PPP2R5C: variants seen among roughly 807,000 people sequenced by gnomAD.
The protein encoded by PPP2R5C is protein phosphatase 2 regulatory subunit B'gamma.
Under a neutral mutation model 68.9 loss-of-function variants are expected in PPP2R5C, and 7 were observed. That is an observed-to-expected ratio of 0.10 (90% CI 0.06 to 0.19). The LOEUF is 0.19. PPP2R5C is among the 10% of genes least tolerant of loss of function. The pLI is 1.00. For synonymous variants in PPP2R5C, 210 were observed against 222.2 expected, an observed-to-expected ratio of 0.95 and a Z score of 0.49; for missense variants, 348 against 641.3, an observed-to-expected ratio of 0.54 and a Z score of 4.94.
At chr14:101,808,053 C>T (rs1007495904), upstream of PPP2R5C, among the ~76,000 whole-genome samples, 2 of 151,036 alleles carry the variant, frequency 1.3e-5, no homozygotes, top group Non-Finnish European at 2.9e-5. Context: ...CTGAACGCCT[C>T]GTTCCTAATT....
rs1281071514 is a variant in PPP2R5C at position 101,839,526 on chromosome 14, A to C, written c.95-17160A>C. On this transcript the variant is annotated intron_variant, in intron 1 of 13. Transcript: ENST00000334743. ...TGAGCTGGTGAGGCTTCACCAGTGC[A>C]CGCCTGGCTGCTTCCCTGCCTGCCC... 3.3e-5 allele frequency: 5 copies of C among 152,398 alleles called. No homozygotes were observed. In the East Asian group the frequency reaches 9.6e-4, roughly 29 times the overall value. 9.4% of individuals were successfully genotyped at this position (152,398 alleles called of 1,614,324 possible). A position where few individuals can be genotyped will look rare whatever the true frequency, so the allele number is the denominator to read the frequency against.
intron 2 of PPP2R5C, among the ~76,000 whole-genome samples, chr14:101,763,437 C>T (rs2036666664): frequency 6.6e-6 from 1 of 151,602 alleles, no homozygotes. Context: ...GGCTGGAGTG[C>T]AGTGGCGCGA....
At chr14:101,786,714 C>T (rs963282686) in intron 3 of PPP2R5C, among the ~76,000 whole-genome samples, 7 of 151,990 alleles carry the variant, frequency 4.6e-5, no homozygotes, top group African/African-American at 1.7e-4. Context: ...TGAATTTCCC[C>T]CCAAATGACA....
chr14:101,863,869 G>C (rs988723590), intron 2 of PPP2R5C, among the ~76,000 whole-genome samples: 3 of 152,156 alleles, frequency 2.0e-5, no homozygotes, highest in African/African-American at 7.2e-5. Flanking sequence ...CTGCACTCCA[G>C]CCTGCGCACC....
chr14:101,763,078 G>T, intron 2 of PPP2R5C, 108 bp downstream of exon 2: 1 of 984,746 alleles, frequency 1.0e-6, no homozygotes, highest in Non-Finnish European at 1.5e-6. Context: ...TTCCCTATGT[G>T]AGGTTTTTTT....
At position 101,906,728 on chromosome 14, in the gene PPP2R5C, C is replaced by A. The variant is rs2046047457; in HGVS notation, c.1151+199C>A. ...GAATTTACCACCTTATACCTTCATT[C>A]CTGCCAGTATAGAGGCACATTGGTT... is the stretch of plus-strand genomic sequence containing the variant. On this transcript the variant is annotated intron_variant, in intron 10 of 13. Coordinates refer to ENST00000334743, the Ensembl canonical transcript of PPP2R5C. This position sits in a 1 kb window ranked among gnomAD's most constrained non-coding sequence, Gnocchi z 4.0. The A allele has an allele frequency of 3.1e-6, 2 of 649,712 alleles. No individual in the cohort carries two copies. 40.2% of individuals were successfully genotyped at this position (649,712 alleles called of 1,614,324 possible). A position where few individuals can be genotyped will look rare whatever the true frequency, so the allele number is the denominator to read the frequency against.
chr14:101,922,254 C>T (rs756942462), intron 13 of PPP2R5C: 7 of 926,348 alleles, frequency 7.6e-6, no homozygotes, highest in South Asian at 5.0e-5. Flanking sequence ...TTTGGGAGGC[C>T]GAGGCGGGCA....
chr14:101,771,032 A>G (rs1566823274), intron 2 of PPP2R5C, among the ~76,000 whole-genome samples: 1 of 152,290 alleles, frequency 6.6e-6, no homozygotes, highest in East Asian at 1.9e-4. Flanking sequence ...ACACGTTCCT[A>G]TCAGTATGTT....
At chr14:101,918,415 C>A (rs1595557533) in intron 13 of PPP2R5C, among the ~76,000 whole-genome samples, 1 of 107,816 alleles carries the variant, frequency 9.3e-6, no homozygotes, top group Non-Finnish European at 1.9e-5. Flanking sequence ...CCCCCTTGCC[C>A]CCTCACCCCC....
At position 101,797,392 on chromosome 14, in the gene PPP2R5C, CTG is replaced by C. The variant is rs1241154091; in HGVS notation, c.259+11213_259+11214del. On this transcript the variant is annotated intron_variant, in intron 3 of 14. Coordinates refer to the PPP2R5C transcript ENST00000328724. The surrounding 1 kb of genome is among the most constrained non-coding windows in gnomAD (Gnocchi z 4.2). ...AGTTAACAGTTGCGTGCTTGTCTGC[CTG>C]TGTCATCCATTCGAGCATCTGCCAA... 9.3e-6 allele frequency: 4 copies of C among 429,634 alleles called. No individual in the cohort carries two copies. The highest frequency in any genetic ancestry group is 6.0e-5 in the African/African-American group (3 of 49,660). 26.6% of individuals were successfully genotyped at this position (429,634 alleles called of 1,614,324 possible). A position where few individuals can be genotyped will look rare whatever the true frequency, so the allele number is the denominator to read the frequency against.
At chr14:101,767,902 TC>T (rs1262583771) in intron 2 of PPP2R5C, among the ~76,000 whole-genome samples, 1 of 152,136 alleles carries the variant, frequency 6.6e-6, no homozygotes, top group East Asian at 1.9e-4. Flanking sequence ...CTTAGGCAGC[TC>T]CCTTCTCTAG....
chr14:101,793,353 ATTTAAT>A (rs1228854783), intron 3 of PPP2R5C, among the ~76,000 whole-genome samples: 1 of 152,226 alleles, frequency 6.6e-6, no homozygotes, highest in Non-Finnish European at 1.5e-5. Flanking sequence ...GATATTTTAA[ATTTAAT>A]TTTAACATTA....
chr14:101,783,638 A>AT (rs1217992010), intron 2 of PPP2R5C, among the ~76,000 whole-genome samples: 1 of 152,130 alleles, frequency 6.6e-6, no homozygotes, highest in East Asian at 1.9e-4. Flanking sequence ...GTGTGTCCCC[A>AT]TGGCAGTCAA....
intron 2 of PPP2R5C, among the ~76,000 whole-genome samples, chr14:101,772,376 C>T (rs1001554873): frequency 8.6e-5 from 13 of 152,044 alleles, no homozygotes; most frequent in African/African-American, 2.4e-4. Flanking sequence ...CCCATAGGAG[C>T]GGGACTTGGA....
At chr14:101,862,583 T>C (rs1323053817) in intron 2 of PPP2R5C, among the ~76,000 whole-genome samples, 1 of 152,172 alleles carries the variant, frequency 6.6e-6, no homozygotes. Context: ...CACTATTAGA[T>C]AGATACTCCT....
chr14:101,865,027 G>A (rs536145417), intron 2 of PPP2R5C, among the ~76,000 whole-genome samples: 38 of 152,306 alleles, frequency 2.5e-4, no homozygotes, highest in Admixed American at 1.2e-3. Context: ...GTAGAAACAC[G>A]ATTCGGGGTG....
At chr14:101,774,900 C>T (rs1237218580) in intron 2 of PPP2R5C, among the ~76,000 whole-genome samples, 1 of 152,238 alleles carries the variant, frequency 6.6e-6, no homozygotes, top group East Asian at 1.9e-4. Context: ...TCTACTGCAA[C>T]TACTTAACTC....
intron 3 of PPP2R5C, among the ~76,000 whole-genome samples, chr14:101,794,255 C>T (rs1225184568): frequency 6.6e-6 from 1 of 152,184 alleles, no homozygotes; most frequent in African/African-American, 2.4e-5. Context: ...CTGTCTTACA[C>T]TGAAAATGTT....
chr14:101,800,255 C>T (rs917106148), intron 3 of PPP2R5C, among the ~76,000 whole-genome samples: 47 of 152,082 alleles, frequency 3.1e-4, no homozygotes, highest in African/African-American at 1.1e-3. Flanking sequence ...AAAAAATGTA[C>T]GTATTTTTTT....
Sources: allele counts gnomAD v4.1 joint callset (sites outside exome capture counted in the v4.1 genomes callset), GRCh38; gene constraint gnomAD v4.1.1; non-coding constraint Gnocchi (gnomAD v3.1); transcripts MANE v1.5; gene names NCBI Gene and HGNC (gene_info 2026-07-23, HGNC 2026-07-21).